The following NELFB variants were observed in gnomAD, a reference collection of about 807,000 sequenced individuals.
NELFB encodes the protein negative elongation factor B.
Under a neutral mutation model 60.2 loss-of-function variants are expected in NELFB, and 34 were observed. The ratio of observed to expected loss-of-function variants is 0.56; its 90% CI spans 0.43 to 0.75. The LOEUF (loss-of-function observed/expected upper bound fraction) is 0.75, where lower values mean the gene tolerates loss of function less well. NELFB is among the 30% of genes least tolerant of loss of function. The pLI is 0.00. For missense variants in NELFB, 770 were observed against 831.6 expected (o/e 0.93, Z 0.91); for synonymous variants, 459 against 382.1 (o/e 1.20, Z -2.35).
chr9:137,259,169 C>T (rs550283662), intron 4 of NELFB, among the ~76,000 whole-genome samples: 2 of 151,966 alleles, frequency 1.3e-5, no homozygotes, highest in South Asian at 2.1e-4. Context: ...CCAACCTGGG[C>T]GACAGAGTGA....
At position 137,256,964 on chromosome 9, in the gene NELFB, C is replaced by T. The variant is rs149580829; in HGVS notation, c.651C>T (p.Ile217=). The T allele has an allele frequency of 1.4e-4, 220 of 1,614,180 alleles. No homozygotes were observed. In the African/African-American group the frequency reaches 2.5e-3, roughly 18 times the overall value. The change falls in exon 4 of 13, where the codon ATC becomes ATT. Residue 217 remains isoleucine (I), a synonymous_variant. Coordinates refer to ENST00000343053, the MANE Select transcript of NELFB (RefSeq NM_015456.5). The stretch of plus-strand genomic sequence containing the variant: ...TTTCCCCACTCCTGAAGCAGTACAT[C>T]CTGGAGAAGGAGAGCGCTCTCTTCA...
chr9:137,258,815 C>T (rs1837598894), intron 4 of NELFB, among the ~76,000 whole-genome samples: 1 of 151,972 alleles, frequency 6.6e-6, no homozygotes, highest in African/African-American at 2.4e-5. Flanking sequence ...TAAGATTTTT[C>T]AGCATCCACA....
chr9:137,264,419 T>G, intron 6 of NELFB, 62 bp downstream of exon 6: 1 of 1,241,114 alleles, frequency 8.1e-7, no homozygotes, highest in Non-Finnish European at 1.1e-6. Flanking sequence ...GGTCTGCGCT[T>G]GCTGTGTTTT....
intron 10 of NELFB, among the ~76,000 whole-genome samples, chr9:137,268,795 GA>G (rs1296294335): frequency 6.6e-6 from 1 of 152,104 alleles, no homozygotes; most frequent in Non-Finnish European, 1.5e-5. Context: ...AAAGATGAGA[GA>G]CACAGAGACA....
At chr9:137,258,897 A>T (rs992415219) in intron 4 of NELFB, among the ~76,000 whole-genome samples, 2 of 152,196 alleles carry the variant, frequency 1.3e-5, no homozygotes, top group African/African-American at 4.8e-5. Flanking sequence ...ATTATCTTTC[A>T]GCATGTAATT....
intron 6 of NELFB, 57 bp from the exon 7 acceptor site, chr9:137,265,820 G>C: frequency 8.6e-7 from 1 of 1,166,906 alleles, no homozygotes; most frequent in Non-Finnish European, 1.3e-6. Flanking sequence ...TGAGGACTGT[G>C]CCGCTGAAGG....
At chr9:137,259,688 C>T (rs916344776) in intron 4 of NELFB, among the ~76,000 whole-genome samples, 3 of 149,922 alleles carry the variant, frequency 2.0e-5, no homozygotes, top group African/African-American at 7.3e-5. Context: ...TTTTATTTTA[C>T]TACTTTTTAA....
intron 10 of NELFB, among the ~76,000 whole-genome samples, chr9:137,271,009 C>T (rs1830577696): frequency 6.6e-6 from 1 of 152,292 alleles, no homozygotes; most frequent in African/African-American, 2.4e-5. Context: ...GACTGCCTGA[C>T]AGTGGCTGCG....
rs1588190306 is a variant in NELFB at position 137,269,802 on chromosome 9, T to G, written c.1490-2279T>G. On this transcript the variant is annotated intron_variant, in intron 10 of 12. Transcript: ENST00000343053. The surrounding 1 kb of genome is among the most constrained non-coding windows in gnomAD (Gnocchi z 5.3). ...CTTCTGTTTCTTTCTCTCATTTGAT[T>G]GTGGCTAGAAACAGGCTGGGAACCA... Among the ~76,000 whole-genome samples the G allele has an allele frequency of 6.6e-6, 1 of 152,190 alleles. No homozygotes were observed. Among genetic ancestry groups the G allele is most frequent in the African/African-American group, 2.4e-5 (1 of 41,438 alleles).
intron 10 of NELFB, among the ~76,000 whole-genome samples, chr9:137,268,846 CAG>C (rs1483200017): frequency 6.6e-6 from 1 of 151,802 alleles, no homozygotes. Flanking sequence ...GTAAGAGAGA[CAG>C]AGACAGGAGA....
Position 137,256,846 on chromosome 9 carries a change from T to A in NELFB, c.533T>A (p.Leu178Gln). Residue 178 changes from leucine (L) to glutamine (Q), a missense_variant, in exon 4 of 13, where the codon CTG becomes CAG. Leu to Gln is a moderately radical substitution (Grantham distance 113). Transcript: ENST00000343053. Reference sequence around the variant, plus strand: ...TAGGTTCCGGAGAAAAAACTGAAGCTGGTTATGGCTGACAAGGAGCTGTAT... The same window carrying A: ...TAGGTTCCGGAGAAAAAACTGAAGCAGGTTATGGCTGACAAGGAGCTGTAT... 1 of 1,614,054 alleles carries A rather than the reference T, an allele frequency of 6.2e-7. No individual in the cohort carries two copies. The highest frequency in any genetic ancestry group is 8.5e-7 in the Non-Finnish European group (1 of 1,179,996).
chr9:137,257,524 C>T (rs1408608552), intron 4 of NELFB, among the ~76,000 whole-genome samples: 1 of 133,910 alleles, frequency 7.5e-6, no homozygotes, highest in Non-Finnish European at 1.6e-5. Flanking sequence ...TTTTTTGAGA[C>T]GGAGTTTCGC....
chr9:137,272,361 C>T (rs1359482326), intron 11 of NELFB, 139 bp downstream of exon 11: 2 of 1,479,884 alleles, frequency 1.4e-6, no homozygotes, highest in Admixed American at 3.9e-5. Flanking sequence ...CGCATGTGGC[C>T]CTGCAGGGTG....
At chr9:137,256,475 C>T (rs757552491) in intron 3 of NELFB, 47 bp downstream of exon 3, 5 of 1,545,588 alleles carry the variant, frequency 3.2e-6, no homozygotes, top group Middle Eastern at 2.1e-4. Context: ...TCCGCCCACT[C>T]TCATGCCCTT....
intron 2 of NELFB, 53 bp downstream of exon 2, chr9:137,256,123 T>C: frequency 1.9e-6 from 3 of 1,570,954 alleles, no homozygotes; most frequent in Non-Finnish European, 2.6e-6. Context: ...CCTCTCAGCC[T>C]TGGATCGACT....
At position 137,257,045 on chromosome 9, in the gene NELFB, C is replaced by T; in HGVS notation, c.732C>T (p.Arg244=). 1 of 1,611,328 alleles carries T rather than the reference C, an allele frequency of 6.2e-7. No homozygotes were observed. The highest frequency in any genetic ancestry group is 8.5e-7 in the Non-Finnish European group (1 of 1,178,382). The change falls in exon 4 of 13, where the codon CGC becomes CGT. Residue 244 remains arginine (R), a synonymous_variant. Coordinates refer to ENST00000343053, the MANE Select transcript of NELFB (RefSeq NM_015456.5). ...TCAGTCCTTCCCCCAAGACCAGGCGCCAGGGCGAGGTGAGGGGACAGGCCG... is the reference window on the plus strand; with the variant it reads ...TCAGTCCTTCCCCCAAGACCAGGCGTCAGGGCGAGGTGAGGGGACAGGCCG...
chr9:137,264,488 C>CA, intron 6 of NELFB, 131 bp downstream of exon 6: 1 of 700,592 alleles, frequency 1.4e-6, no homozygotes, highest in South Asian at 1.7e-5. Context: ...TTTTTCGAGA[C>CA]AGAGTCTCGT....
Position 137,272,980 on chromosome 9 carries a change from C to T in NELFB, c.*52C>T, listed in dbSNP as rs1249383158. 2.7e-6 allele frequency: 4 copies of T among 1,458,748 alleles called. No individual in the cohort carries two copies. In the South Asian group the frequency reaches 5.6e-5, roughly 21 times the overall value. The allele number at this position is 1,458,748 out of a possible 1,614,324, so 90.4% of individuals were successfully genotyped here. A position where few individuals can be genotyped will look rare whatever the true frequency, so the allele number is the denominator to read the frequency against. ...GGGGCCATGCCGAGTCGCGGCCCTGCTCAGCCGGAAGAGGCTCCCGGACCT... is the reference window on the plus strand; with the variant it reads ...GGGGCCATGCCGAGTCGCGGCCCTGTTCAGCCGGAAGAGGCTCCCGGACCT... On this transcript the variant is annotated 3_prime_UTR_variant, in exon 13 of 13. Coordinates refer to ENST00000343053, the MANE Select transcript of NELFB (RefSeq NM_015456.5).
At chr9:137,257,157 C>G (rs912452241) in intron 4 of NELFB, 103 bp downstream of exon 4, 3 of 1,006,824 alleles carry the variant, frequency 3.0e-6, no homozygotes, top group East Asian at 2.5e-5. Context: ...TGTGAATGAT[C>G]GGGTGGTTCT....
Sources: allele counts gnomAD v4.1 joint callset (sites outside exome capture counted in the v4.1 genomes callset), GRCh38; gene constraint gnomAD v4.1.1; non-coding constraint Gnocchi (gnomAD v3.1); transcripts MANE v1.5; gene names NCBI Gene and HGNC (gene_info 2026-07-23, HGNC 2026-07-21).